The following CELF2 variants were observed in gnomAD, a reference collection of about 807,000 sequenced individuals.
CELF2 encodes the protein CUG triplet repeat RNA-binding protein 2.
A neutral mutation model predicts 62.6 loss-of-function variants in CELF2; 8 were observed. The observed-to-expected ratio is 0.13, with a 90% confidence interval of 0.07 to 0.23. The LOEUF (loss-of-function observed/expected upper bound fraction) is 0.23, where lower values mean the gene tolerates loss of function less well. Among genes scored for constraint, CELF2 ranks in the 10% least tolerant of loss-of-function variants. The pLI is 1.00. For missense variants in CELF2, 333 were observed against 671.0 expected (o/e 0.50, Z 5.56); for synonymous variants, 258 against 250.0 (o/e 1.03, Z -0.30).
chr10:10,538,519 C>G, the CELF2 span, among the ~76,000 whole-genome samples: 2 of 152,182 alleles, frequency 1.3e-5, no homozygotes, highest in African/African-American at 2.4e-5. Context: ...TGTCTGCTCT[C>G]CTGGCTTTAA....
In CELF2 at chr10:11,285,631, A is replaced by G. The variant is rs1401669128; in HGVS notation, c.842-2787A>G. 6.6e-6 allele frequency among the ~76,000 whole-genome samples: 1 copy of G among 152,150 alleles called. No homozygotes were observed. The highest frequency in any genetic ancestry group is 2.4e-5 in the African/African-American group (1 of 41,430). Reference sequence around the variant, plus strand: ...TAAGTATCTGTACAGTGGATTAGTTAATGATTGAGAGGAAACAGCCAATAT... The same window carrying G: ...TAAGTATCTGTACAGTGGATTAGTTGATGATTGAGAGGAAACAGCCAATAT... On this transcript the variant is annotated intron_variant, in intron 8 of 12. Transcript: ENST00000633077. This position sits in a 1 kb window ranked among gnomAD's most constrained non-coding sequence, Gnocchi z 4.3.
intron 2 of CELF2, among the ~76,000 whole-genome samples, chr10:10,976,523 AG>A (rs1282245259): frequency 6.6e-6 from 1 of 150,980 alleles, no homozygotes; most frequent in Non-Finnish European, 1.5e-5. Context: ...TCATGCCTTT[AG>A]TTTCAGAGGG....
chr10:10,511,647 C>A, the CELF2 span, among the ~76,000 whole-genome samples: 40 of 152,150 alleles, frequency 2.6e-4, no homozygotes, highest in African/African-American at 9.6e-4. Flanking sequence ...TTCACAGCTG[C>A]CCACAGTTTA....
chr10:10,610,460 A>G, the CELF2 span, among the ~76,000 whole-genome samples: 2 of 152,228 alleles, frequency 1.3e-5, no homozygotes. Flanking sequence ...TATGTAAGTT[A>G]TAATTTGAGG....
At chr10:10,651,436 A>G in the CELF2 span, among the ~76,000 whole-genome samples, 1 of 139,258 alleles carries the variant, frequency 7.2e-6, no homozygotes, top group African/African-American at 2.6e-5. Context: ...ACAAACAAAA[A>G]GACAGCAGTA....
At chr10:11,282,234 AC>A (rs1403524198) in intron 8 of CELF2, among the ~76,000 whole-genome samples, 2 of 151,950 alleles carry the variant, frequency 1.3e-5, no homozygotes, top group African/African-American at 4.8e-5. Flanking sequence ...ATACCAATGC[AC>A]AGGAGGAGAA....
intron 1 of CELF2, among the ~76,000 whole-genome samples, chr10:11,057,299 G>A (rs1233115641): frequency 1.3e-5 from 2 of 152,154 alleles, no homozygotes; most frequent in Non-Finnish European, 2.9e-5. Flanking sequence ...GTGTGGGGTG[G>A]GGGGTGGTCC....
chr10:10,740,666 A>G, the CELF2 span, among the ~76,000 whole-genome samples: 20 of 152,240 alleles, frequency 1.3e-4, no homozygotes, highest in Non-Finnish European at 2.6e-4. Flanking sequence ...AGATGTGGAA[A>G]CAACCTAGAG....
chr10:10,953,842 GAA>G (rs1322733456), intron 2 of CELF2, among the ~76,000 whole-genome samples: 4 of 148,816 alleles, frequency 2.7e-5, no homozygotes, highest in Non-Finnish European at 6.0e-5. Context: ...TGACAAACCA[GAA>G]AAAAAATTTG....
At chr10:10,501,306 G>A in the CELF2 span, among the ~76,000 whole-genome samples, 8 of 152,106 alleles carry the variant, frequency 5.3e-5, no homozygotes, top group African/African-American at 1.4e-4. Flanking sequence ...TTCTGATAGG[G>A]TCTGTAATGG....
At chr10:11,126,696 A>T (rs1197350721) in intron 1 of CELF2, among the ~76,000 whole-genome samples, 1 of 152,216 alleles carries the variant, frequency 6.6e-6, no homozygotes, top group East Asian at 1.9e-4. Context: ...CATATCTGTG[A>T]ATACAGAGTA....
chr10:10,760,085 G>C, the CELF2 span, among the ~76,000 whole-genome samples: 1 of 152,052 alleles, frequency 6.6e-6, no homozygotes, highest in African/African-American at 2.4e-5. Flanking sequence ...TCTGTTTTTA[G>C]TAGAGACAGG....
At chr10:10,559,381 A>C in the CELF2 span, among the ~76,000 whole-genome samples, 1 of 152,232 alleles carries the variant, frequency 6.6e-6, no homozygotes, top group Admixed American at 6.5e-5. Context: ...TCTTAATCTT[A>C]ATTTCCTCAT....
At chr10:10,665,940 T>G in the CELF2 span, among the ~76,000 whole-genome samples, 1 of 152,158 alleles carries the variant, frequency 6.6e-6, no homozygotes, top group Non-Finnish European at 1.5e-5. Flanking sequence ...GCCATGAAGC[T>G]TATAATAGTG....
At position 11,335,355 on chromosome 10, in the gene CELF2, C is replaced by T. The variant is rs1047607568; in HGVS notation, c.*6302C>T. 4 of 152,458 alleles carry T rather than the reference C, an allele frequency of 2.6e-5. No individual in the cohort carries two copies. Among genetic ancestry groups the T allele is most frequent in the African/African-American group, 4.8e-5 (2 of 41,468 alleles). 9.4% of individuals were successfully genotyped at this position (152,458 alleles called of 1,614,324 possible). A position where few individuals can be genotyped will look rare whatever the true frequency, so the allele number is the denominator to read the frequency against. On this transcript the variant is annotated 3_prime_UTR_variant, in exon 13 of 13. Coordinates refer to ENST00000633077, the MANE Select transcript of CELF2 (RefSeq NM_001326342.2). This position sits in a 1 kb window ranked among gnomAD's most constrained non-coding sequence, Gnocchi z 5.0. ...TCCAGTATTTTCAGACGCACAAGCT[C>T]TGACTCAGGCCACCCAGCACCTGGC... is the stretch of plus-strand genomic sequence containing the variant.
intron 2 of CELF2, among the ~76,000 whole-genome samples, chr10:11,176,528 A>G (rs1192992578): frequency 2.0e-5 from 3 of 152,208 alleles, no homozygotes; most frequent in South Asian, 2.1e-4. Flanking sequence ...AAACTTTGCA[A>G]TAGCCCAAAG....
At position 11,247,919 on chromosome 10, in the gene CELF2, C is replaced by G. The variant is rs1178511621; in HGVS notation, c.355-1234C>G. 6.6e-6 allele frequency among the ~76,000 whole-genome samples: 1 copy of G among 152,190 alleles called. No homozygotes were observed. Among genetic ancestry groups the G allele is most frequent in the Admixed American group, 6.5e-5 (1 of 15,270 alleles). On this transcript the variant is annotated intron_variant, in intron 3 of 12. Coordinates refer to ENST00000633077, the MANE Select transcript of CELF2 (RefSeq NM_001326342.2). This position sits in a 1 kb window ranked among gnomAD's most constrained non-coding sequence, Gnocchi z 5.4. Reference sequence around the variant, plus strand: ...ACTTAGCCTCTTTCTTCTCCCTCCTCCTCTGTTCTGAAGACCCAGGCCGGC... The same window carrying G: ...ACTTAGCCTCTTTCTTCTCCCTCCTGCTCTGTTCTGAAGACCCAGGCCGGC...
chr10:10,850,754 G>T (rs2059334390), intron 1 of CELF2, among the ~76,000 whole-genome samples: 1 of 152,028 alleles, frequency 6.6e-6, no homozygotes, highest in South Asian at 2.1e-4. Context: ...CAATATTATT[G>T]TCCCTAGTTT....
At chr10:11,070,836 G>C (rs1315583062) in intron 1 of CELF2, among the ~76,000 whole-genome samples, 1 of 152,104 alleles carries the variant, frequency 6.6e-6, no homozygotes, top group African/African-American at 2.4e-5. Flanking sequence ...TCTAGTAAGA[G>C]GAAAACGAAA....
Sources: allele counts gnomAD v4.1 joint callset (sites outside exome capture counted in the v4.1 genomes callset), GRCh38; gene constraint gnomAD v4.1.1; non-coding constraint Gnocchi (gnomAD v3.1); transcripts MANE v1.5; gene names NCBI Gene and HGNC (gene_info 2026-07-23, HGNC 2026-07-21).